The following CDKAL1 variants were observed in gnomAD, a reference collection of about 807,000 sequenced individuals.
The protein encoded by CDKAL1 is CDKAL1 threonylcarbamoyladenosine tRNA methylthiotransferase.
Under a neutral mutation model 68.2 loss-of-function variants are expected in CDKAL1, and 32 were observed. The ratio of observed to expected loss-of-function variants is 0.47; its 90% confidence interval spans 0.35 to 0.63. The LOEUF is 0.63. Ranked by LOEUF, CDKAL1 falls within the 30% of genes least tolerant of loss-of-function variation. The pLI is 0.00. For synonymous variants in CDKAL1, 234 were observed against 244.3 expected (o/e 0.96, Z 0.39); for missense variants, 606 against 696.7 (o/e 0.87, Z 1.47).
chr6:21,030,580 A>T (rs10946426), intron 11 of CDKAL1, among the ~76,000 whole-genome samples: 23,371 of 152,148 alleles, frequency 0.15, 1,951 homozygotes, highest in Middle Eastern at 0.24. Flanking sequence ...TTTGCCTTTT[A>T]TGAGAAGTAG....
chr6:21,111,837 A>T (rs1037938843), intron 13 of CDKAL1, among the ~76,000 whole-genome samples: 1 of 152,242 alleles, frequency 6.6e-6, no homozygotes, highest in African/African-American at 2.4e-5. Context: ...AAAGGGCTTG[A>T]CAAAAGTTAA....
At chr6:20,552,763 T>G (rs953129068) in intron 4 of CDKAL1, among the ~76,000 whole-genome samples, 18 of 152,070 alleles carry the variant, frequency 1.2e-4, no homozygotes, top group African/African-American at 4.1e-4. Flanking sequence ...CAGCAGACTG[T>G]GGGAATACTT....
intron 15 of CDKAL1, among the ~76,000 whole-genome samples, chr6:21,210,938 A>G (rs1389651896): frequency 1.3e-5 from 2 of 152,224 alleles, no homozygotes; most frequent in Non-Finnish European, 2.9e-5. Flanking sequence ...AGCAAGGCAG[A>G]GGCCCCATGC....
intron 13 of CDKAL1, among the ~76,000 whole-genome samples, chr6:21,160,656 C>CACACACGTGT (rs1554189726): frequency 7.8e-6 from 1 of 128,002 alleles, no homozygotes; most frequent in African/African-American, 2.9e-5. Flanking sequence ...CACACACACA[C>CACACACGTGT]GTGTGTGTGT....
At chr6:21,112,024 A>G (rs1395982711) in intron 13 of CDKAL1, among the ~76,000 whole-genome samples, 1 of 152,202 alleles carries the variant, frequency 6.6e-6, no homozygotes, top group Non-Finnish European at 1.5e-5. Context: ...GGAGGGTTAC[A>G]GGGCCAGAGA....
intron 13 of CDKAL1, among the ~76,000 whole-genome samples, chr6:21,149,483 A>G (rs1407988364): frequency 6.6e-6 from 1 of 152,178 alleles, no homozygotes; most frequent in Admixed American, 6.5e-5. Flanking sequence ...ATGTAATAAA[A>G]GTACTTCAGT....
At chr6:20,921,915 T>C (rs1034033265) in intron 9 of CDKAL1, among the ~76,000 whole-genome samples, 2 of 152,208 alleles carry the variant, frequency 1.3e-5, no homozygotes, top group African/African-American at 4.8e-5. Flanking sequence ...TAAGTTAAAC[T>C]TTTCTTCTCA....
intron 8 of CDKAL1, among the ~76,000 whole-genome samples, chr6:20,787,601 T>G (rs1035090704): frequency 1.3e-5 from 2 of 152,184 alleles, no homozygotes; most frequent in African/African-American, 4.8e-5. Flanking sequence ...AAGGTTCACT[T>G]GAGCCACATG....
At chr6:21,148,072 G>A (rs1776261951) in intron 13 of CDKAL1, among the ~76,000 whole-genome samples, 1 of 152,114 alleles carries the variant, frequency 6.6e-6, no homozygotes, top group South Asian at 2.1e-4. Flanking sequence ...GATGAACTTG[G>A]CTTACCTAGC....
chr6:20,998,516 C>T (rs571427541), intron 10 of CDKAL1, among the ~76,000 whole-genome samples: 124 of 152,002 alleles, frequency 8.2e-4, no homozygotes, highest in Non-Finnish European at 9.4e-4. Flanking sequence ...GACGCTTAGG[C>T]AGGAGAATCA....
intron 4 of CDKAL1, among the ~76,000 whole-genome samples, chr6:20,577,129 G>A (rs956685535): frequency 3.3e-5 from 5 of 152,130 alleles, no homozygotes; most frequent in Admixed American, 2.6e-4. Flanking sequence ...CTTGGTGACC[G>A]CAAGCGATCG....
intron 9 of CDKAL1, among the ~76,000 whole-genome samples, chr6:20,898,602 A>G (rs1048241234): frequency 1.3e-4 from 20 of 151,978 alleles, no homozygotes; most frequent in African/African-American, 4.4e-4. Flanking sequence ...GAAATCAAAG[A>G]GATGGAAACC....
chr6:20,606,763 C>T lies in CDKAL1; in HGVS notation c.287-42530C>T, dbSNP rs150539512. 8.5e-5 allele frequency among the ~76,000 whole-genome samples: 13 copies of T among 152,286 alleles called. No individual in the cohort carries two copies. The East Asian group carries it at 1.5e-3, about 18-fold the overall frequency. ...GAAAACTAACTTTCATGAGATGCTT[C>T]GTAAAATCTATTTCAATTCAGGGTG... On this transcript the variant is annotated intron_variant, in intron 4 of 15. Coordinates refer to ENST00000274695, the MANE Select transcript of CDKAL1 (RefSeq NM_017774.3).
chr6:21,165,090 T>C (rs1257401307), intron 13 of CDKAL1, among the ~76,000 whole-genome samples: 1 of 152,262 alleles, frequency 6.6e-6, no homozygotes, highest in Non-Finnish European at 1.5e-5. Flanking sequence ...GCCAAAGCCT[T>C]GTGGCAAAGT....
intron 5 of CDKAL1, among the ~76,000 whole-genome samples, chr6:20,709,302 A>AT (rs112081423): frequency 0.016 from 2,409 of 150,396 alleles, 48 homozygotes; most frequent in African/African-American, 0.052. Flanking sequence ...ATACTGTAAG[A>AT]TTTTTTTTTT....
At chr6:21,177,867 C>G (rs1777647992) in intron 13 of CDKAL1, among the ~76,000 whole-genome samples, 1 of 152,082 alleles carries the variant, frequency 6.6e-6, no homozygotes, top group Admixed American at 6.6e-5. Flanking sequence ...GCAACCAAAT[C>G]AGAATGTTGA....
chr6:21,005,447 T>C (rs1000933080), intron 11 of CDKAL1, among the ~76,000 whole-genome samples: 1 of 152,236 alleles, frequency 6.6e-6, no homozygotes, highest in African/African-American at 2.4e-5. Flanking sequence ...ACAGTTTATA[T>C]ATTAAAAGAC....
intron 11 of CDKAL1, among the ~76,000 whole-genome samples, chr6:21,001,994 C>T (rs926752844): frequency 1.3e-5 from 2 of 152,160 alleles, no homozygotes; most frequent in African/African-American, 2.4e-5. Flanking sequence ...GGAATCAGCA[C>T]CTCTCTTTTA....
At chr6:20,949,506 A>C (rs1027063692) in intron 9 of CDKAL1, among the ~76,000 whole-genome samples, 1 of 152,160 alleles carries the variant, frequency 6.6e-6, no homozygotes, top group African/African-American at 2.4e-5. Flanking sequence ...GTTAGCTGAA[A>C]TATACTTAAT....
Sources: gnomAD v4.1 joint callset for allele counts (sites outside exome capture counted in the v4.1 genomes callset) on GRCh38, gnomAD v4.1.1 for gene constraint, MANE v1.5 for transcripts, NCBI Gene and HGNC (gene_info 2026-07-23, HGNC 2026-07-21) for gene names.